HEPHL1: variants seen among roughly 807,000 people sequenced by gnomAD.
HEPHL1 encodes the protein hephaestin like 1.
Under a neutral mutation model 122.0 loss-of-function variants are expected in HEPHL1, and 123 were observed. That is an observed-to-expected ratio of 1.01 (90% confidence interval 0.87 to 1.17). HEPHL1 has a LOEUF of 1.17. Among genes scored for constraint, HEPHL1 ranks in the 50% most tolerant of loss-of-function variants. The pLI is 0.00. For synonymous variants in HEPHL1, 527 were observed against 508.9 expected, an observed-to-expected ratio of 1.04 and a Z score of -0.48; for missense variants, 1,452 against 1,430.5, an observed-to-expected ratio of 1.01 and a Z score of -0.24.
chr11:94,079,540 A>C (rs913272788), intron 9 of HEPHL1, among the ~76,000 whole-genome samples: 42 of 152,332 alleles, frequency 2.8e-4, no homozygotes, highest in Admixed American at 2.2e-3. Context: ...TTAGGAAAGC[A>C]TCACAGAAGT....
rs377634721 is a variant in HEPHL1, at chr11:94,106,017, C to A, written c.2932C>A (p.Leu978Ile). The A allele has an allele frequency of 2.5e-5, 40 of 1,594,704 alleles. No individual in the cohort carries two copies. In the African/African-American group the frequency reaches 5.2e-4, roughly 21 times the overall value. Residue 978 changes from leucine to isoleucine, a missense_variant, in exon 17 of 20, where the codon CTC becomes ATC. Coordinates refer to ENST00000315765, the MANE Select transcript of HEPHL1 (RefSeq NM_001098672.2). ...HAINGKIFGN[L>I]HGLIMNEDTM... is the part of the protein sequence containing the mutation. ...CATTAATGGAAAGATTTTTGGGAAT[C>A]TCCATGGCCTCATAATGAACGAAGA...
In HEPHL1 at chr11:94,112,428, T is replaced by C. The variant is rs1383273267; in HGVS notation, c.*534T>C. 6.6e-6 allele frequency: 1 copy of C among 152,244 alleles called. No homozygotes were observed. The highest frequency in any genetic ancestry group is 1.5e-5 in the Non-Finnish European group (1 of 68,050). 9.4% of individuals were successfully genotyped at this position (152,244 alleles called of 1,614,324 possible). A position where few individuals can be genotyped will look rare whatever the true frequency, so the allele number is the denominator to read the frequency against. ...TGTCTGCTGATAGAATTAGACCAAA[T>C]AAATTTTTTGGAGGCTTTAACCAGC... On this transcript the variant is annotated 3_prime_UTR_variant, in exon 20 of 20. Transcript: ENST00000315765.
chr11:94,106,012 G>T lies in HEPHL1; in HGVS notation c.2927G>T (p.Gly976Val). The T allele has an allele frequency of 1.3e-6, 2 of 1,573,598 alleles. No homozygotes were observed. The highest frequency in any genetic ancestry group is 1.2e-5 in the South Asian group (1 of 83,188). ...RMHAINGKIF[G>V]NLHGLIMNED... ...AAAGCCATTAATGGAAAGATTTTTG[G>T]GAATCTCCATGGCCTCATAATGAAC... The change falls in exon 17 of 20, where the codon GGG (glycine) becomes GTG (valine). Residue 976 changes from glycine (G) to valine (V), a missense_variant. Physicochemically the swap from Gly to Val is moderately radical, Grantham distance 109 (BLOSUM62 -3). Transcript: ENST00000315765.
In HEPHL1 at chr11:94,021,971, T is replaced by C. The variant is rs576669668; in HGVS notation, c.170+433T>C. 2.6e-4 allele frequency among the ~76,000 whole-genome samples: 39 copies of C among 152,332 alleles called. No homozygotes were observed. The South Asian group carries it at 7.3e-3, about 28-fold the overall frequency. ...GAAACATCATAATGGGAGATAAGTA[T>C]GCTAAGTCATGTTTTTCAACGTTTA... On this transcript the variant is annotated intron_variant, in intron 1 of 19. Transcript: ENST00000315765.
chr11:94,078,650 T>C (rs1032798431), intron 9 of HEPHL1, among the ~76,000 whole-genome samples: 19 of 151,722 alleles, frequency 1.3e-4, no homozygotes, highest in Non-Finnish European at 2.6e-4. Flanking sequence ...AGAGCCAACA[T>C]TTTAGTTTAA....
At chr11:94,105,633 C>T (rs1005010980) in intron 16 of HEPHL1, among the ~76,000 whole-genome samples, 5 of 152,260 alleles carry the variant, frequency 3.3e-5, no homozygotes, top group African/African-American at 1.2e-4. Flanking sequence ...TTTTTATTTA[C>T]ATAAACTTGT....
At chr11:94,032,076 A>C (rs904643470) in intron 1 of HEPHL1, among the ~76,000 whole-genome samples, 2 of 152,206 alleles carry the variant, frequency 1.3e-5, no homozygotes, top group African/African-American at 2.4e-5. Context: ...TCAAACAGCT[A>C]ATCAAAGCCT....
At chr11:94,088,632 TG>T (rs1192550083) in intron 11 of HEPHL1, 122 bp from the exon 12 acceptor site, 1 of 710,758 alleles carries the variant, frequency 1.4e-6, no homozygotes, top group Non-Finnish European at 2.3e-6. Context: ...ACTAGACAAC[TG>T]GTATTTTAAA....
intron 1 of HEPHL1, 87 bp from the exon 2 acceptor site, chr11:94,045,586 C>A: frequency 8.8e-7 from 1 of 1,142,206 alleles, no homozygotes; most frequent in Non-Finnish European, 1.2e-6. Context: ...AGAGGTCATA[C>A]ATGCAATACT....
intron 2 of HEPHL1, chr11:94,055,946 A>T: frequency 2.3e-6 from 3 of 1,329,602 alleles, no homozygotes; most frequent in Non-Finnish European, 2.1e-6. Flanking sequence ...CAAACTTGCC[A>T]GTGGACTCTA....
At chr11:94,031,461 C>T (rs1945674929) in intron 1 of HEPHL1, among the ~76,000 whole-genome samples, 1 of 152,066 alleles carries the variant, frequency 6.6e-6, no homozygotes, top group Non-Finnish European at 1.5e-5. Flanking sequence ...TGTAGACCAC[C>T]TTATTCTTTT....
chr11:94,049,508 A>T (rs1249914943), intron 2 of HEPHL1, among the ~76,000 whole-genome samples: 1 of 152,018 alleles, frequency 6.6e-6, no homozygotes, highest in Non-Finnish European at 1.5e-5. Context: ...ATTTATCCAA[A>T]GGAATAAACC....
At chr11:94,045,116 C>T (rs1278511681) in intron 1 of HEPHL1, among the ~76,000 whole-genome samples, 2 of 152,148 alleles carry the variant, frequency 1.3e-5, no homozygotes, top group South Asian at 4.1e-4. Context: ...CTATGTTGCC[C>T]AGGCTGGTCT....
intron 2 of HEPHL1, among the ~76,000 whole-genome samples, chr11:94,050,105 T>C (rs888117067): frequency 6.6e-6 from 1 of 152,182 alleles, no homozygotes; most frequent in Non-Finnish European, 1.5e-5. Context: ...TCTGTTGATG[T>C]TATGAATGGA....
At chr11:94,089,092 T>C in intron 12 of HEPHL1, 124 bp downstream of exon 12, 1 of 892,200 alleles carries the variant, frequency 1.1e-6, no homozygotes, top group Non-Finnish European at 1.8e-6. Context: ...ACAGAGACTT[T>C]TACTTATGTG....
intron 13 of HEPHL1, among the ~76,000 whole-genome samples, chr11:94,094,001 T>G (rs1361497643): frequency 8.4e-6 from 1 of 119,306 alleles, no homozygotes; most frequent in African/African-American, 3.8e-5. Context: ...TATATATATA[T>G]ATATATATAT....
At chr11:94,108,275 T>C (rs1397019690) in intron 17 of HEPHL1, among the ~76,000 whole-genome samples, 1 of 152,122 alleles carries the variant, frequency 6.6e-6, no homozygotes. Flanking sequence ...TATTGTAGAG[T>C]TTGAGGGCTT....
intron 1 of HEPHL1, among the ~76,000 whole-genome samples, chr11:94,045,359 T>C (rs1945824819): frequency 6.6e-6 from 1 of 152,220 alleles, no homozygotes; most frequent in Non-Finnish European, 1.5e-5. Flanking sequence ...GCAATGAGTG[T>C]TAGTTAAATG....
intron 1 of HEPHL1, among the ~76,000 whole-genome samples, chr11:94,027,528 T>C (rs1298968419): frequency 6.6e-6 from 1 of 152,200 alleles, no homozygotes; most frequent in Non-Finnish European, 1.5e-5. Flanking sequence ...GAAATAATCA[T>C]AACTGTCATT....
Sources: allele counts gnomAD v4.1 joint callset (sites outside exome capture counted in the v4.1 genomes callset), GRCh38; gene constraint gnomAD v4.1.1; transcripts MANE v1.5; gene names NCBI Gene and HGNC (gene_info 2026-07-23, HGNC 2026-07-21).